ZNF648: variants seen among roughly 807,000 people sequenced by gnomAD.
The protein encoded by ZNF648 is zinc finger protein 648.
Under a neutral mutation model 0.3 loss-of-function variants are expected in ZNF648, and 1 was observed. That is an observed-to-expected ratio of 3.90 (90% confidence interval 1.39 to 18.51). The LOEUF is 18.51. ZNF648 is among the 30% of genes most tolerant of loss of function. The pLI is 0.11. For synonymous variants in ZNF648, 376 were observed against 326.8 expected (o/e 1.15, Z -1.62); for missense variants, 874 against 769.7 (o/e 1.14, Z -1.60).
chr1:182,056,312 C>T lies in ZNF648; in HGVS notation c.1699G>A (p.Asp567Asn). 1 of 1,610,120 alleles carries T rather than the reference C, an allele frequency of 6.2e-7. No homozygotes were observed. Among genetic ancestry groups the T allele is most frequent in the South Asian group, 1.1e-5 (1 of 90,552 alleles). ...CKKEPIPSSSDE is the reference protein window; with the variant it reads ...CKKEPIPSSSNE ...GGTCGACGATGCTATCTTCACTCGT[C>T]AGAGGAGGAAGGGATGGGCTCCTTC... The change falls in exon 2 of 2, where the codon GAC becomes AAC. Residue 567 changes from aspartate to asparagine, a missense_variant. Asp to Asn is a conservative substitution (Grantham distance 23). Coordinates refer to ENST00000339948, the MANE Select transcript of ZNF648 (RefSeq NM_001009992.1).
chr1:182,058,213 C>T (rs1665973503), intron 1 of ZNF648, 140 bp from the exon 2 acceptor site: 4 of 627,810 alleles, frequency 6.4e-6, no homozygotes, highest in Non-Finnish European at 1.1e-5. Flanking sequence ...TCACTGAGGA[C>T]AGAGGCCTGG....
rs774108753 is a variant in ZNF648 at position 182,056,748 on chromosome 1, G to A, written c.1263C>T (p.Pro421=). 12 of 1,573,762 alleles carry A rather than the reference G, an allele frequency of 7.6e-6. No homozygotes were observed. The South Asian group carries it at 1.3e-4, about 17-fold the overall frequency. Residue 421 remains proline (P), a synonymous_variant, in exon 2 of 2, where the codon CCC becomes CCT. Coordinates refer to ENST00000339948, the MANE Select transcript of ZNF648 (RefSeq NM_001009992.1). ...QRVHSGERPF[P]CPTCGKCFTK... ...TGAAGCACTTGCCGCAGGTGGGGCA[G>A]GGGAAGGGCCGCTCGCCCGAGTGCA...
chr1:182,068,640 G>A, the ZNF648 span, among the ~76,000 whole-genome samples: 1 of 152,188 alleles, frequency 6.6e-6, no homozygotes, highest in Non-Finnish European at 1.5e-5. Context: ...CTGGGGCCAG[G>A]TGCAGTGGCT....
upstream of ZNF648, chr1:182,063,853 T>C (rs1386377505): frequency 6.6e-6 from 1 of 152,258 alleles, no homozygotes; most frequent in East Asian, 1.9e-4. Context: ...CGTTTAAGTC[T>C]TTAATTCATC....
At position 182,056,962 on chromosome 1, in the gene ZNF648, A is replaced by G. The variant is rs1203619633; in HGVS notation, c.1049T>C (p.Leu350Pro). The part of the protein sequence containing the change: ...CGKAFVRSSD[L>P]RKHQRNMHSN... ...GTGCATGTTGCGCTGGTGTTTGCGC[A>G]GGTCCGAAGAGCGCACGAAGGCCTT... The change falls in exon 2 of 2, where the codon CTG becomes CCG. Residue 350 changes from leucine to proline, a missense_variant. By Grantham distance (98) the Leu-to-Pro change is moderately conservative (BLOSUM62 -3). Coordinates refer to ENST00000339948, the MANE Select transcript of ZNF648 (RefSeq NM_001009992.1). The G allele has an allele frequency of 3.1e-6, 5 of 1,613,442 alleles. No homozygotes were observed. In the African/African-American group the frequency reaches 5.3e-5, roughly 17 times the overall value.
At chr1:182,058,885 C>T (rs1028803467) in intron 1 of ZNF648, among the ~76,000 whole-genome samples, 1 of 152,144 alleles carries the variant, frequency 6.6e-6, no homozygotes, top group Non-Finnish European at 1.5e-5. Flanking sequence ...AGTGCAGTGG[C>T]GCGATCTTGG....
In ZNF648 at chr1:182,057,887, C is replaced by T. The variant is rs12564283; in HGVS notation, c.124G>A (p.Glu42Lys). 0.16 allele frequency: 250,301 copies of T among 1,613,888 alleles called. 20,891 individuals carry two copies. Among genetic ancestry groups the T allele is most frequent in the East Asian group, 0.28 (12,470 of 44,826 alleles). Residue 42 changes from glutamate (E) to lysine (K), a missense_variant, in exon 2 of 2, where the codon GAG (glutamate) becomes AAG (lysine). Glu to Lys is a moderately conservative substitution (Grantham distance 56). Coordinates refer to ENST00000339948, the MANE Select transcript of ZNF648 (RefSeq NM_001009992.1). ...NLESDDEDGGEAEKEGTADPV... is the reference protein window; with the variant it reads ...NLESDDEDGGKAEKEGTADPV... ...TCAGCGGTGCCCTCTTTTTCGGCCT[C>T]CCCACCATCTTCATCGTCACTCTCT...
At chr1:182,061,392 T>C (rs1029504461) in intron 1 of ZNF648, among the ~76,000 whole-genome samples, 176 bp downstream of exon 1, 11 of 152,340 alleles carry the variant, frequency 7.2e-5, no homozygotes, top group African/African-American at 1.9e-4. Flanking sequence ...ATCAACACTC[T>C]GCAGAAGCCT....
chr1:182,060,266 A>AT (rs932023690), intron 1 of ZNF648, among the ~76,000 whole-genome samples: 8 of 152,186 alleles, frequency 5.3e-5, no homozygotes, highest in Non-Finnish European at 8.8e-5. Context: ...GTCACTGAGT[A>AT]TTTACCTTCT....
intron 1 of ZNF648, among the ~76,000 whole-genome samples, chr1:182,060,845 G>A (rs752524920): frequency 8.5e-5 from 13 of 152,120 alleles, no homozygotes; most frequent in African/African-American, 1.4e-4. Context: ...CCCTCTTTAC[G>A]ACAACATACT....
chr1:182,069,212 C>T, the ZNF648 span: 1 of 152,084 alleles, frequency 6.6e-6, no homozygotes, highest in African/African-American at 2.4e-5. Context: ...CCGCTGTCCT[C>T]CCAGGTCACA....
chr1:182,065,828 T>C (rs1666090942), upstream of ZNF648, among the ~76,000 whole-genome samples: 23 of 152,232 alleles, frequency 1.5e-4, 1 homozygote, highest in Admixed American at 1.5e-3. Context: ...GTCTTGCCTA[T>C]CCCACTGGTC....
At position 182,056,885 on chromosome 1, in the gene ZNF648, G is replaced by T; in HGVS notation, c.1126C>A (p.Pro376Thr). ...CGCTGGTGGCGCAGCAGCGACAGCG[G>T]CTTGTTGAAGGTCAGGCCGCACTCG... ...CSECGLTFNKPLSLLRHQRTH... is the reference protein window; with the variant it reads ...CSECGLTFNKTLSLLRHQRTH... The change falls in exon 2 of 2, where the codon CCG becomes ACG. Residue 376 changes from proline to threonine, a missense_variant. By Grantham distance (38) the Pro-to-Thr change is conservative. Transcript: ENST00000339948. 3.8e-6 allele frequency: 6 copies of T among 1,580,724 alleles called. No individual in the cohort carries two copies. Among genetic ancestry groups the T allele is most frequent in the Non-Finnish European group, 5.2e-6 (6 of 1,164,034 alleles).
At chr1:182,064,705 T>TTGGGGAGAGCATGGGA (rs1300440678), upstream of ZNF648, 11 of 152,162 alleles carry the variant, frequency 7.2e-5, no homozygotes, top group African/African-American at 2.7e-4. Context: ...CCATTGGCAT[T>TTGGGGAGAGCATGGGA]TGGGGAGAGC....
At chr1:182,059,203 C>T (rs1295507846) in intron 1 of ZNF648, among the ~76,000 whole-genome samples, 4 of 152,210 alleles carry the variant, frequency 2.6e-5, no homozygotes, top group Non-Finnish European at 1.5e-5. Flanking sequence ...CCATATTGAT[C>T]CCCTGGCATA....
At chr1:182,061,287 A>G (rs1180988180) in intron 1 of ZNF648, among the ~76,000 whole-genome samples, 2 of 152,156 alleles carry the variant, frequency 1.3e-5, no homozygotes, top group African/African-American at 2.4e-5. Context: ...TAGTCCCCAG[A>G]GGCTGTCAGA....
At position 182,056,550 on chromosome 1, in the gene ZNF648, G is replaced by C. The variant is rs774394614; in HGVS notation, c.1461C>G (p.Arg487=). ...GTTGGTGCCGCTTCAGGGTCGAAGA[G>C]CGGGCAAAGGCCTGGCCACACTGCG... is the stretch of plus-strand genomic sequence containing the variant. ...PCTQCGQAFA[R]SSTLKRHQQI... is the part of the protein sequence containing the mutation. Residue 487 remains arginine, a synonymous_variant, in exon 2 of 2, where the codon CGC becomes CGG. Coordinates refer to ENST00000339948, the MANE Select transcript of ZNF648 (RefSeq NM_001009992.1). 5.6e-6 allele frequency: 9 copies of C among 1,614,030 alleles called. No individual in the cohort carries two copies. Among genetic ancestry groups the C allele is most frequent in the Non-Finnish European group, 7.6e-6 (9 of 1,180,016 alleles).
In ZNF648 at chr1:182,057,135, G is replaced by A; in HGVS notation, c.876C>T (p.Gly292=). The A allele has an allele frequency of 6.2e-7, 1 of 1,605,230 alleles. No individual in the cohort carries two copies. ...ELCGKAYSHR[G]TLQQHRRLHT... ...GCAGGCGCCTGTGCTGCTGGAGTGT[G>A]CCGCGGTGGGAGTAGGCCTTCCCGC... The change falls in exon 2 of 2, where the codon GGC becomes GGT. Residue 292 remains glycine (G), a synonymous_variant. Coordinates refer to ENST00000339948, the MANE Select transcript of ZNF648 (RefSeq NM_001009992.1).
intron 1 of ZNF648, among the ~76,000 whole-genome samples, chr1:182,058,731 C>T (rs191422794): frequency 2.0e-5 from 3 of 152,302 alleles, no homozygotes; most frequent in East Asian, 1.9e-4. Context: ...CATAAGCACC[C>T]GGGGGCAGAG....
Sources: allele counts gnomAD v4.1 joint callset (sites outside exome capture counted in the v4.1 genomes callset), GRCh38; gene constraint gnomAD v4.1.1; transcripts MANE v1.5; gene names NCBI Gene and HGNC (gene_info 2026-07-23, HGNC 2026-07-21).